Variants in PARP10 observed in about 807,000 individuals in gnomAD.
The protein encoded by PARP10 is protein mono-ADP-ribosyltransferase PARP10.
In PARP10, 56 loss-of-function variants were observed where a neutral mutation model predicts 82.4. That is an observed-to-expected ratio of 0.68 (90% CI 0.55 to 0.85). The LOEUF (loss-of-function observed/expected upper bound fraction) is 0.85, where lower values mean the gene tolerates loss of function less well. PARP10 is among the 40% of genes least tolerant of loss of function. PARP10 has a pLI of 0.00. For synonymous variants in PARP10, 576 were observed against 601.1 expected (o/e 0.96, Z 0.61); for missense variants, 1,227 against 1,379.4 (o/e 0.89, Z 1.75).
In PARP10 at chr8:143,977,889, G is replaced by C. The variant is rs1455713882; in HGVS notation, c.2731+18C>G. 1 of 1,600,714 alleles carries C rather than the reference G, an allele frequency of 6.2e-7. No individual in the cohort carries two copies. On this transcript the variant is annotated intron_variant, in intron 10 of 10. Coordinates refer to ENST00000313028, the MANE Select transcript of PARP10 (RefSeq NM_032789.5). ...CGGGGTGCGCAGAGCCCCCGCCCCTGCCCGGCTCAGGCCTCACCGTTGCGG... is the reference window on the plus strand; with the variant it reads ...CGGGGTGCGCAGAGCCCCCGCCCCTCCCCGGCTCAGGCCTCACCGTTGCGG...
chr8:143,986,631 C>T (rs532649328), upstream of PARP10: 47 of 587,460 alleles, frequency 8.0e-5, no homozygotes, highest in Admixed American at 2.7e-4. Context: ...CCCAGCCCAC[C>T]GGCCCTACCT....
chr8:144,006,118 T>A (rs1554752074), intron 1 of PARP10, among the ~76,000 whole-genome samples: 2 of 152,172 alleles, frequency 1.3e-5, no homozygotes, highest in Non-Finnish European at 2.9e-5. Flanking sequence ...GGGCATTTCC[T>A]GGCAATATAA....
chr8:143,984,192 G>C lies in PARP10; in HGVS notation c.1680+18C>G, dbSNP rs1554748550. 1 of 1,604,958 alleles carries C rather than the reference G, an allele frequency of 6.2e-7. No individual in the cohort carries two copies. On this transcript the variant is annotated intron_variant, in intron 6 of 10. Coordinates refer to ENST00000313028, the MANE Select transcript of PARP10 (RefSeq NM_032789.5). The stretch of plus-strand genomic sequence containing the variant: ...AGGCGTGAGAAAGGGGAGGGCAGGG[G>C]TGGGACTCCATCTCTACCTCTTCAA...
chr8:143,992,042 C>T (rs988390635), upstream of PARP10: 1 of 1,613,976 alleles, frequency 6.2e-7, no homozygotes, highest in Admixed American at 1.7e-5. Context: ...GTTGTGGGGA[C>T]TTCCGGCGAA....
chr8:144,005,793 C>G (rs1834232309), intron 1 of PARP10, among the ~76,000 whole-genome samples: 1 of 152,108 alleles, frequency 6.6e-6, no homozygotes, highest in African/African-American at 2.4e-5. Context: ...TCTTTCAGGT[C>G]TGCTCCCAAG....
upstream of PARP10, chr8:143,991,355 G>A (rs1834091128): frequency 7.7e-7 from 1 of 1,300,638 alleles, no homozygotes; most frequent in Non-Finnish European, 1.1e-6. Context: ...CTTACCCACA[G>A]CCCCCTTTCC....
intron 1 of PARP10, among the ~76,000 whole-genome samples, chr8:143,998,801 T>C (rs1390584996): frequency 1.3e-5 from 2 of 152,028 alleles, no homozygotes; most frequent in Non-Finnish European, 2.9e-5. Context: ...AATACAAAAA[T>C]TAGCCAGGCA....
At chr8:144,000,664 C>CTA (rs777774184) in intron 1 of PARP10, among the ~76,000 whole-genome samples, 14 of 152,040 alleles carry the variant, frequency 9.2e-5, no homozygotes, top group Non-Finnish European at 1.8e-4. Flanking sequence ...CCTAGTGTAA[C>CTA]ACTGATACCA....
chr8:143,983,857 G>A (rs1833923842), intron 7 of PARP10, 46 bp from the exon 8 acceptor site: 7 of 1,528,462 alleles, frequency 4.6e-6, no homozygotes, highest in Non-Finnish European at 6.1e-6. Flanking sequence ...GACCCAGGAG[G>A]AGTTGGAATG....
Position 143,985,813 on chromosome 8 carries a change from G to GC in PARP10, c.343dup (p.Ala115GlyfsTer30). 6.2e-7 allele frequency: 1 copy of GC among 1,611,918 alleles called. No homozygotes were observed. The highest frequency in any genetic ancestry group is 2.2e-5 in the East Asian group (1 of 44,876). On this transcript the variant is annotated frameshift_variant, in exon 3 of 11. Transcript: ENST00000313028. LOFTEE classifies it high-confidence loss of function. ...GCAAGGCTGTACTGGGAGCCCCGAG[G>GC]CCCGCAGCAAGGCCTGGACATGCTG...
At chr8:143,991,923 G>A (rs80257578), upstream of PARP10, 1 of 1,613,656 alleles carries the variant, frequency 6.2e-7, no homozygotes, top group Non-Finnish European at 8.5e-7. Flanking sequence ...CCTGTCCACG[G>A]TGTCTGTGTT....
intron 1 of PARP10, among the ~76,000 whole-genome samples, chr8:144,012,046 C>T (rs1834289608): frequency 6.6e-6 from 1 of 152,178 alleles, no homozygotes; most frequent in Admixed American, 6.5e-5. Context: ...TGTGCCAAGC[C>T]CTGTGCTGGA....
intron 1 of PARP10, among the ~76,000 whole-genome samples, chr8:144,005,454 C>T (rs1834230220): frequency 6.6e-6 from 1 of 152,162 alleles, no homozygotes; most frequent in Admixed American, 6.5e-5. Context: ...TATCCTGCAG[C>T]CCTAGGGCTT....
At position 143,986,136 on chromosome 8, in the gene PARP10, G is replaced by A. The variant is rs782559418; in HGVS notation, c.100C>T (p.Arg34Cys). 4 of 1,613,900 alleles carry A rather than the reference G, an allele frequency of 2.5e-6. No homozygotes were observed. In the East Asian group the frequency reaches 6.7e-5, roughly 27 times the overall value. ...ACAGGTCCCCCTCCAGAGCGTCGGC[G>A]GTTTTCAAAGTAGAGAGTGAGCAGC... ...DELLTLYFEN[R>C]RRSGGGPVLS... Residue 34 changes from arginine (R) to cysteine (C), a missense_variant, in exon 2 of 11, where the codon CGC becomes TGC. Transcript: ENST00000313028.
At chr8:143,995,043 G>T (rs994871844), upstream of PARP10, among the ~76,000 whole-genome samples, 8 of 152,184 alleles carry the variant, frequency 5.3e-5, no homozygotes, top group Non-Finnish European at 1.0e-4. Context: ...CAAACTCTTG[G>T]CTGAGAGGGA....
chr8:143,993,085 T>C (rs941652717), upstream of PARP10: 2 of 506,696 alleles, frequency 3.9e-6, no homozygotes, highest in Non-Finnish European at 7.1e-6. Flanking sequence ...CACGTTTCCG[T>C]GCCACCTCCT....
chr8:144,010,795 G>A (rs1425605364), intron 1 of PARP10, among the ~76,000 whole-genome samples: 5 of 152,078 alleles, frequency 3.3e-5, no homozygotes, highest in African/African-American at 1.2e-4. Flanking sequence ...TGAGGCAGCA[G>A]GATCGCTTGA....
chr8:143,991,885 T>C, upstream of PARP10: 1 of 1,611,524 alleles, frequency 6.2e-7, no homozygotes, highest in Non-Finnish European at 8.5e-7. Context: ...CAGGTGTTCC[T>C]AGTGCTGACC....
intron 1 of PARP10, among the ~76,000 whole-genome samples, chr8:143,999,666 T>A (rs898547790): frequency 6.8e-6 from 1 of 147,322 alleles, no homozygotes; most frequent in Non-Finnish European, 1.5e-5. Context: ...TTTTTTTTTT[T>A]AATTTTTATT....
Sources: gnomAD v4.1 joint callset for allele counts (sites outside exome capture counted in the v4.1 genomes callset) on GRCh38, gnomAD v4.1.1 for gene constraint, MANE v1.5 for transcripts, NCBI Gene and HGNC (gene_info 2026-07-23, HGNC 2026-07-21) for gene names.